Variants in FCHSD2 observed in about 807,000 individuals in gnomAD.
FCHSD2 encodes FCH and double SH3 domains 2.
In FCHSD2, 38 loss-of-function variants were observed where a neutral mutation model predicts 108.1. That is an observed-to-expected ratio of 0.35 (90% CI 0.27 to 0.46). The LOEUF (loss-of-function observed/expected upper bound fraction) is 0.46. FCHSD2 is among the 20% of genes least tolerant of loss of function. FCHSD2 has a pLI of 1.00. For synonymous variants in FCHSD2, 279 were observed against 314.7 expected (o/e 0.89, Z 1.20); for missense variants, 751 against 897.8 (o/e 0.84, Z 2.09).
chr11:73,023,150 A>G (rs1349116171), intron 3 of FCHSD2, among the ~76,000 whole-genome samples: 1 of 152,202 alleles, frequency 6.6e-6, no homozygotes, highest in Non-Finnish European at 1.5e-5. Flanking sequence ...AAGTTTTAAC[A>G]TATAACACCA....
At chr11:72,906,588 G>A (rs1199854926) in intron 9 of FCHSD2, among the ~76,000 whole-genome samples, 3 of 152,142 alleles carry the variant, frequency 2.0e-5, no homozygotes, top group Non-Finnish European at 1.5e-5. Context: ...AATCCATCTT[G>A]AGTTAATTTT....
chr11:72,892,266 T>C (rs745341664), intron 10 of FCHSD2, among the ~76,000 whole-genome samples: 6 of 152,206 alleles, frequency 3.9e-5, no homozygotes, highest in Non-Finnish European at 7.3e-5. Context: ...TTTTCCCTTA[T>C]TTTTTATGTG....
At chr11:73,124,010 C>A (rs1353317524) in intron 2 of FCHSD2, among the ~76,000 whole-genome samples, 3 of 152,090 alleles carry the variant, frequency 2.0e-5, no homozygotes, top group Non-Finnish European at 4.4e-5. Flanking sequence ...TATGGCAACC[C>A]AAATGTCCAT....
intron 19 of FCHSD2, among the ~76,000 whole-genome samples, chr11:72,839,314 AAAAT>A (rs1436643000): frequency 6.6e-6 from 1 of 152,228 alleles, no homozygotes; most frequent in African/African-American, 2.4e-5. Context: ...TAAGAAGAAA[AAAAT>A]AAATCTGTGC....
intron 13 of FCHSD2, among the ~76,000 whole-genome samples, chr11:72,863,090 T>C (rs1565293965): frequency 6.6e-6 from 1 of 152,058 alleles, no homozygotes; most frequent in Non-Finnish European, 1.5e-5. Flanking sequence ...GCCTGGCTAG[T>C]TGAAATTTTT....
chr11:72,957,955 AGTT>A (rs1426195645), intron 8 of FCHSD2, among the ~76,000 whole-genome samples: 1 of 152,222 alleles, frequency 6.6e-6, no homozygotes, highest in East Asian at 1.9e-4. Flanking sequence ...TATTTTAAAA[AGTT>A]AACATAAAAA....
chr11:73,136,224 T>C (rs1468360455), intron 2 of FCHSD2, among the ~76,000 whole-genome samples: 1 of 151,816 alleles, frequency 6.6e-6, no homozygotes, highest in African/African-American at 2.4e-5. Context: ...AGACAAAATT[T>C]AGCATAAAAT....
At chr11:72,860,247 T>C (rs1042118986) in intron 13 of FCHSD2, among the ~76,000 whole-genome samples, 4 of 152,186 alleles carry the variant, frequency 2.6e-5, no homozygotes, top group Admixed American at 2.0e-4. Context: ...TTCGTTCCAG[T>C]CTAGAAGACT....
intron 12 of FCHSD2, among the ~76,000 whole-genome samples, chr11:72,879,502 G>A (rs1053816489): frequency 3.3e-5 from 5 of 152,110 alleles, no homozygotes; most frequent in Non-Finnish European, 5.9e-5. Context: ...CTTTAAAATT[G>A]CTGTTATAAA....
chr11:72,960,563 A>T (rs1856802504), intron 8 of FCHSD2, among the ~76,000 whole-genome samples: 1 of 152,046 alleles, frequency 6.6e-6, no homozygotes, highest in African/African-American at 2.4e-5. Flanking sequence ...GTTTCATAAT[A>T]CTTCTTGGTC....
chr11:73,102,792 C>G (rs571851017), intron 2 of FCHSD2, among the ~76,000 whole-genome samples: 1 of 152,308 alleles, frequency 6.6e-6, no homozygotes, highest in African/African-American at 2.4e-5. Context: ...ACTTCCCAGC[C>G]TCCAGAACTA....
chr11:72,943,282 T>C (rs1308723867), intron 8 of FCHSD2, among the ~76,000 whole-genome samples: 1 of 152,220 alleles, frequency 6.6e-6, no homozygotes, highest in Non-Finnish European at 1.5e-5. Context: ...CATGACCTAC[T>C]TTGCCCAGCC....
chr11:73,052,280 C>T (rs1478457616), intron 3 of FCHSD2, among the ~76,000 whole-genome samples: 4 of 151,968 alleles, frequency 2.6e-5, no homozygotes, highest in East Asian at 1.9e-4. Flanking sequence ...TTTTGTGTAA[C>T]GGTATATTCT....
intron 8 of FCHSD2, among the ~76,000 whole-genome samples, chr11:72,983,281 G>A (rs1857250093): frequency 1.3e-5 from 2 of 149,666 alleles, no homozygotes; most frequent in African/African-American, 4.9e-5. Context: ...GCGACAGAGC[G>A]AGACTCCGTC....
chr11:73,084,412 A>C (rs953565396), intron 2 of FCHSD2, among the ~76,000 whole-genome samples: 5 of 151,852 alleles, frequency 3.3e-5, no homozygotes, highest in African/African-American at 1.2e-4. Context: ...TTTTTTAGAG[A>C]TAGGGTCTTG....
intron 8 of FCHSD2, among the ~76,000 whole-genome samples, chr11:72,942,601 T>C (rs910563239): frequency 6.6e-6 from 1 of 152,216 alleles, no homozygotes; most frequent in Admixed American, 6.5e-5. Context: ...TTTTAATTTA[T>C]CTTTAGGTTT....
At chr11:73,134,846 G>C (rs529757456) in intron 2 of FCHSD2, among the ~76,000 whole-genome samples, 3 of 152,116 alleles carry the variant, frequency 2.0e-5, no homozygotes, top group Admixed American at 2.0e-4. Flanking sequence ...TTTGTTTTTT[G>C]GTTTTTGGTT....
chr11:73,044,811 C>T (rs1858719036), intron 3 of FCHSD2, among the ~76,000 whole-genome samples: 1 of 152,154 alleles, frequency 6.6e-6, no homozygotes, highest in Admixed American at 6.5e-5. Context: ...TGGCTCACGC[C>T]TGTAATCCCA....
chr11:73,102,102 T>C lies in FCHSD2; in HGVS notation c.120-18362A>G, dbSNP rs182923281. ...GAATTGGCACTTCATTAAAAACTTA[T>C]CCAAATAATTGGTAACAGTGAAAAG... On this transcript the variant is annotated intron_variant, in intron 2 of 19. Coordinates refer to ENST00000409418, the MANE Select transcript of FCHSD2 (RefSeq NM_014824.3). 3.1e-4 allele frequency among the ~76,000 whole-genome samples: 47 copies of C among 152,338 alleles called. No homozygotes were observed. In the South Asian group the frequency reaches 4.1e-3, roughly 13 times the overall value.
Sources: allele counts gnomAD v4.1 joint callset (sites outside exome capture counted in the v4.1 genomes callset), GRCh38; gene constraint gnomAD v4.1.1; transcripts MANE v1.5; gene names NCBI Gene and HGNC (gene_info 2026-07-23, HGNC 2026-07-21).